The following XRCC5 variants were observed in gnomAD, a reference collection of about 807,000 sequenced individuals.
The protein encoded by XRCC5 is X-ray repair cross complementing 5.
Under a neutral mutation model 95.7 loss-of-function variants are expected in XRCC5, and 12 were observed. The observed-to-expected ratio is 0.13, with a 90% CI of 0.08 to 0.20. The LOEUF (loss-of-function observed/expected upper bound fraction) is 0.20. Among genes scored for constraint, XRCC5 ranks in the 10% least tolerant of loss-of-function variants. The pLI is 1.00. For synonymous variants in XRCC5, 281 were observed against 290.3 expected, an observed-to-expected ratio of 0.97 and a Z score of 0.33; for missense variants, 595 against 873.9, an observed-to-expected ratio of 0.68 and a Z score of 4.02.
chr2:216,163,487 GT>G lies in XRCC5; in HGVS notation c.1834+1441del, dbSNP rs1688992638. 3.3e-5 allele frequency among the ~76,000 whole-genome samples: 5 copies of G among 151,854 alleles called. No homozygotes were observed. In the South Asian group the frequency reaches 1.0e-3, roughly 32 times the overall value. On this transcript the variant is annotated intron_variant, in intron 16 of 20. Transcript: ENST00000392132. ...GTATTTTTAGCACAGACGGGGTTTCGTTATGTTGGCCAGGCTGGTCTTGAAC... is the reference window on the plus strand; with the variant it reads ...GTATTTTTAGCACAGACGGGGTTTCGTATGTTGGCCAGGCTGGTCTTGAAC...
chr2:216,162,033 G>A lies in XRCC5; in HGVS notation c.1819G>A (p.Ala607Thr), dbSNP rs532266474. The A allele has an allele frequency of 6.2e-7, 1 of 1,614,170 alleles. No homozygotes were observed. The highest frequency in any genetic ancestry group is 1.7e-5 in the Admixed American group (1 of 60,030). Residue 607 changes from alanine to threonine, a missense_variant, in exon 16 of 21, where the codon GCC becomes ACC. Around this residue, in one of 2 missense-constraint regions of XRCC5, gnomAD observed 309 missense variants for 382.9 expected, o/e 0.81. Coordinates refer to ENST00000392132, the MANE Select transcript of XRCC5 (RefSeq NM_021141.4). ...CCGTGTTCTAGTGAAACAGAAGAAG[G>A]CCAGCTTTGAGGAAGGTGAGTGGTT... ...NFRVLVKQKKASFEEASNQLI... is the reference protein window; with the variant it reads ...NFRVLVKQKKTSFEEASNQLI...
chr2:216,119,277 G>A, intron 5 of XRCC5, 112 bp downstream of exon 5: 1 of 1,161,614 alleles, frequency 8.6e-7, no homozygotes, highest in Non-Finnish European at 1.2e-6. Context: ...TCTGCTCCAA[G>A]GCTGAATCTG....
At chr2:216,147,550 A>C (rs1435052911) in intron 13 of XRCC5, among the ~76,000 whole-genome samples, 5 of 152,106 alleles carry the variant, frequency 3.3e-5, no homozygotes, top group Non-Finnish European at 7.4e-5. Context: ...TGAAAAGTGC[A>C]AACTCAGCAC....
At chr2:216,197,067 C>G (rs1158269624) in intron 19 of XRCC5, among the ~76,000 whole-genome samples, 2 of 152,134 alleles carry the variant, frequency 1.3e-5, no homozygotes, top group Non-Finnish European at 2.9e-5. Context: ...CACATCTTAA[C>G]CAAAGATGTT....
chr2:216,116,985 T>C (rs1696709138), intron 3 of XRCC5, 143 bp downstream of exon 3: 2 of 850,236 alleles, frequency 2.4e-6, no homozygotes, highest in African/African-American at 1.7e-5. Flanking sequence ...AATGTGTTAA[T>C]AGGGTTTAAT....
intron 14 of XRCC5, among the ~76,000 whole-genome samples, chr2:216,154,910 A>G (rs1175497831): frequency 6.6e-6 from 1 of 152,212 alleles, no homozygotes; most frequent in African/African-American, 2.4e-5. Flanking sequence ...TTCATAATCC[A>G]ACTATCTAGA....
intron 4 of XRCC5, among the ~76,000 whole-genome samples, chr2:216,118,176 G>GTTT (rs796937806): frequency 4.3e-4 from 61 of 140,676 alleles, no homozygotes; most frequent in African/African-American, 1.4e-3. Context: ...GTTTTTTGTT[G>GTTT]TTTTTTTTTT....
chr2:216,189,825 A>G (rs749547584), intron 16 of XRCC5, among the ~76,000 whole-genome samples: 2 of 152,190 alleles, frequency 1.3e-5, no homozygotes, highest in Non-Finnish European at 2.9e-5. Flanking sequence ...GGGAGGGACT[A>G]GAGGATCTGT....
In XRCC5 at chr2:216,152,438, T is replaced by TA. The variant is rs5838570; in HGVS notation, c.1670+4172dup. On this transcript the variant is annotated intron_variant, in intron 14 of 20. Transcript: ENST00000392132. ...CCTAGGCAACAGAGTGAGACTGTCT[T>TA]AAAAAAAAAAGAGAGAAAAAAATTT... Among the ~76,000 whole-genome samples the TA allele has an allele frequency of 2.6e-4, 39 of 147,744 alleles. No individual in the cohort carries two copies. In the East Asian group the frequency reaches 3.7e-3, roughly 14 times the overall value.
intron 16 of XRCC5, among the ~76,000 whole-genome samples, chr2:216,181,000 ACG>A (rs1689374938): frequency 6.6e-6 from 1 of 151,762 alleles, no homozygotes; most frequent in African/African-American, 2.4e-5. Context: ...TTTAGTAGAG[ACG>A]GGGTTTCTCT....
intron 19 of XRCC5, 58 bp from the exon 20 acceptor site, chr2:216,204,264 C>G (rs1036086431): frequency 4.4e-6 from 7 of 1,602,450 alleles, no homozygotes; most frequent in Non-Finnish European, 6.0e-6. Flanking sequence ...CAGATTGTTC[C>G]CTCTTTCAAA....
intron 3 of XRCC5, chr2:216,117,370 C>T (rs911153526): frequency 1.8e-5 from 4 of 218,946 alleles, no homozygotes; most frequent in Admixed American, 1.0e-4. Context: ...TTCCTGATCA[C>T]TGGGAAGTGC....
At chr2:216,190,786 T>A (rs1417296312) in intron 17 of XRCC5, among the ~76,000 whole-genome samples, 2 of 152,230 alleles carry the variant, frequency 1.3e-5, no homozygotes, top group African/African-American at 4.8e-5. Flanking sequence ...GACAATAAGT[T>A]CCTCCCATGC....
chr2:216,149,930 C>T (rs984268260), intron 14 of XRCC5, among the ~76,000 whole-genome samples: 2 of 152,192 alleles, frequency 1.3e-5, no homozygotes, highest in African/African-American at 2.4e-5. Context: ...CTTGCTCACG[C>T]TCCTATTCTC....
intron 14 of XRCC5, chr2:216,156,454 G>C: frequency 1.4e-6 from 1 of 704,746 alleles, no homozygotes; most frequent in Non-Finnish European, 2.7e-6. Flanking sequence ...CTATCGTACA[G>C]CACTGGTCAG....
chr2:216,131,100 A>G, intron 9 of XRCC5, 113 bp downstream of exon 9: 3 of 1,423,108 alleles, frequency 2.1e-6, no homozygotes, highest in Middle Eastern at 2.6e-4. Context: ...TAATTTTTCT[A>G]AAATGTAGTC....
At chr2:216,134,829 A>G (rs2106011192) in intron 10 of XRCC5, among the ~76,000 whole-genome samples, 1 of 152,296 alleles carries the variant, frequency 6.6e-6, no homozygotes, top group East Asian at 1.9e-4. Flanking sequence ...TCAGATTCTC[A>G]TTGTGCTTAT....
intron 16 of XRCC5, among the ~76,000 whole-genome samples, chr2:216,178,860 A>G (rs1467645751): frequency 6.6e-6 from 1 of 152,190 alleles, no homozygotes; most frequent in African/African-American, 2.4e-5. Flanking sequence ...ACAAAAAGAC[A>G]TGTTCATTCC....
At chr2:216,122,785 C>A (rs1411565249) in intron 6 of XRCC5, among the ~76,000 whole-genome samples, 3 of 149,822 alleles carry the variant, frequency 2.0e-5, no homozygotes, top group African/African-American at 7.3e-5. Context: ...GTAAAGAGTT[C>A]ATAGCCTACT....
Sources: gnomAD v4.1 joint callset for allele counts (sites outside exome capture counted in the v4.1 genomes callset) on GRCh38, gnomAD v4.1.1 for gene constraint, gnomAD v4.1.1 regional missense constraint, MANE v1.5 for transcripts, NCBI Gene and HGNC (gene_info 2026-07-23, HGNC 2026-07-21) for gene names.